LHFPL6: variants seen among roughly 807,000 people sequenced by gnomAD.
The protein encoded by LHFPL6 is LHFPL tetraspan subfamily member 6, also known as LHFPL tetraspan subfamily member 6 protein.
LHFPL6 carries 9 observed loss-of-function variants against 20.6 expected under a neutral mutation model. That is an observed-to-expected ratio of 0.44 (90% CI 0.26 to 0.76). The LOEUF is 0.76. LHFPL6 is among the 30% of genes least tolerant of loss of function. The pLI, the probability that LHFPL6 is intolerant of heterozygous loss-of-function variation, is 0.20. For synonymous variants in LHFPL6, 105 were observed against 98.7 expected, an observed-to-expected ratio of 1.06 and a Z score of -0.38; for missense variants, 218 against 253.5, an observed-to-expected ratio of 0.86 and a Z score of 0.95.
At chr13:39,434,675 C>T (rs1871906451) in intron 2 of LHFPL6, among the ~76,000 whole-genome samples, 1 of 152,128 alleles carries the variant, frequency 6.6e-6, no homozygotes, top group Non-Finnish European at 1.5e-5. Context: ...GGTTGCAGCA[C>T]CAAACTGTAC....
intron 3 of LHFPL6, among the ~76,000 whole-genome samples, chr13:39,375,077 G>A (rs1449398019): frequency 6.6e-6 from 1 of 152,204 alleles, no homozygotes; most frequent in East Asian, 1.9e-4. Flanking sequence ...AAGGGCATGA[G>A]CTTTAATAAC....
At chr13:39,599,860 C>T (rs1224975571) in intron 2 of LHFPL6, among the ~76,000 whole-genome samples, 1 of 152,164 alleles carries the variant, frequency 6.6e-6, no homozygotes, top group Non-Finnish European at 1.5e-5. Context: ...TAAGAAAACA[C>T]CAAATGAGGG....
At chr13:39,515,543 G>A (rs1037600076) in intron 2 of LHFPL6, among the ~76,000 whole-genome samples, 5 of 152,078 alleles carry the variant, frequency 3.3e-5, no homozygotes, top group Admixed American at 6.5e-5. Context: ...ATTTCTCTTC[G>A]GCTTAACAGC....
At chr13:39,510,863 T>G (rs1869672889) in intron 2 of LHFPL6, among the ~76,000 whole-genome samples, 1 of 122,294 alleles carries the variant, frequency 8.2e-6, no homozygotes, top group Non-Finnish European at 1.7e-5. Flanking sequence ...TTTGTAATCA[T>G]TACTTTAAAT....
intron 2 of LHFPL6, among the ~76,000 whole-genome samples, chr13:39,562,942 CA>C (rs1871588738): frequency 6.6e-6 from 1 of 151,902 alleles, no homozygotes; most frequent in South Asian, 2.1e-4. Flanking sequence ...AAATTCCTCA[CA>C]GAGGGGAAAT....
intron 2 of LHFPL6, among the ~76,000 whole-genome samples, chr13:39,400,123 C>T (rs1454112000): frequency 6.6e-6 from 1 of 152,112 alleles, no homozygotes; most frequent in African/African-American, 2.4e-5. Context: ...AAAGAAAATT[C>T]ATACAACCAA....
chr13:39,588,324 C>T (rs547072443), intron 2 of LHFPL6, among the ~76,000 whole-genome samples: 14 of 152,320 alleles, frequency 9.2e-5, no homozygotes, highest in African/African-American at 3.1e-4. Context: ...ACAGTGGGCA[C>T]TCGATAAGTA....
chr13:39,424,553 G>A (rs574235065), intron 2 of LHFPL6, among the ~76,000 whole-genome samples: 25 of 152,174 alleles, frequency 1.6e-4, no homozygotes, highest in Non-Finnish European at 2.9e-4. Context: ...AAATTGCAAA[G>A]TGGAGCTACA....
chr13:39,514,311 C>A (rs528469614), intron 2 of LHFPL6, among the ~76,000 whole-genome samples: 2 of 152,076 alleles, frequency 1.3e-5, no homozygotes. Context: ...GGGTCTCTTC[C>A]GAAAGCACAC....
In LHFPL6 at chr13:39,385,532, C is replaced by T. The variant is rs151264951; in HGVS notation, c.386-7006G>A. ...CTTGGATACACTGGCCGTAAACCAC[C>T]TACAGGAGCGTTCCTAGTAGAAACT... On this transcript the variant is annotated intron_variant, in intron 2 of 3. Coordinates refer to ENST00000379589, the MANE Select transcript of LHFPL6 (RefSeq NM_005780.3). Among the ~76,000 whole-genome samples the T allele has an allele frequency of 2.8e-4, 42 of 152,352 alleles. No homozygotes were observed. The East Asian group carries it at 5.2e-3, about 19-fold the overall frequency.
intron 2 of LHFPL6, among the ~76,000 whole-genome samples, chr13:39,402,521 T>C (rs1871019207): frequency 6.6e-6 from 1 of 152,238 alleles, no homozygotes; most frequent in African/African-American, 2.4e-5. Flanking sequence ...TGAGCCACTG[T>C]GCCTGGCCCT....
At chr13:39,364,869 T>C (rs1869971024) in intron 3 of LHFPL6, among the ~76,000 whole-genome samples, 1 of 152,198 alleles carries the variant, frequency 6.6e-6, no homozygotes, top group South Asian at 2.1e-4. Flanking sequence ...ACAGCTGCTA[T>C]CAATCCTTGC....
intron 2 of LHFPL6, among the ~76,000 whole-genome samples, chr13:39,419,432 A>T (rs912973482): frequency 2.6e-5 from 4 of 152,236 alleles, no homozygotes; most frequent in African/African-American, 9.6e-5. Flanking sequence ...GTTTCAAAAC[A>T]TATTTGGTAT....
intron 2 of LHFPL6, among the ~76,000 whole-genome samples, chr13:39,521,275 G>A (rs1870097360): frequency 6.6e-6 from 1 of 152,050 alleles, no homozygotes; most frequent in South Asian, 2.1e-4. Flanking sequence ...GCTATCCAGG[G>A]TTGCATGTTA....
At chr13:39,411,353 G>T (rs1315511944) in intron 2 of LHFPL6, among the ~76,000 whole-genome samples, 1 of 152,210 alleles carries the variant, frequency 6.6e-6, no homozygotes, top group Non-Finnish European at 1.5e-5. Flanking sequence ...GATTTGGATA[G>T]AATCTAAAGA....
At chr13:39,450,860 C>T (rs1230754643) in intron 2 of LHFPL6, among the ~76,000 whole-genome samples, 1 of 152,054 alleles carries the variant, frequency 6.6e-6, no homozygotes, top group Non-Finnish European at 1.5e-5. Context: ...AGACTATAAA[C>T]ATACAGTAAC....
At chr13:39,444,312 T>G (rs1466386724) in intron 2 of LHFPL6, among the ~76,000 whole-genome samples, 1 of 152,150 alleles carries the variant, frequency 6.6e-6, no homozygotes, top group Non-Finnish European at 1.5e-5. Flanking sequence ...TGGAAAAATA[T>G]CAGCCTGACC....
chr13:39,499,133 G>A (rs1248559279), intron 2 of LHFPL6, among the ~76,000 whole-genome samples: 1 of 152,040 alleles, frequency 6.6e-6, no homozygotes, highest in Non-Finnish European at 1.5e-5. Context: ...AAAGTGCTAA[G>A]ATTACAGGCG....
intron 3 of LHFPL6, among the ~76,000 whole-genome samples, chr13:39,362,413 A>G (rs1172028041): frequency 6.6e-6 from 1 of 152,012 alleles, no homozygotes; most frequent in Non-Finnish European, 1.5e-5. Context: ...CACCAATTAA[A>G]CCTTTTTTCT....
Sources: allele counts gnomAD v4.1 joint callset (sites outside exome capture counted in the v4.1 genomes callset), GRCh38; gene constraint gnomAD v4.1.1; transcripts MANE v1.5; gene names NCBI Gene and HGNC (gene_info 2026-07-23, HGNC 2026-07-21).